The following KSR1 variants were observed in gnomAD, a reference collection of about 807,000 sequenced individuals.
The protein encoded by KSR1 is kinase suppressor of ras 1.
KSR1 carries 35 observed loss-of-function variants against 92.9 expected under a neutral mutation model. The observed-to-expected ratio is 0.38, with a 90% CI of 0.29 to 0.50. The LOEUF is 0.50. KSR1 is among the 20% of genes least tolerant of loss of function. The pLI, the probability that KSR1 is intolerant of heterozygous loss-of-function variation, is 0.94. For missense variants in KSR1, 972 were observed against 1,158.5 expected (o/e 0.84, Z 2.34); for synonymous variants, 467 against 472.6 (o/e 0.99, Z 0.15).
rs775715540 is a variant in KSR1 at position 27,592,569 on chromosome 17, G to A, written c.1242G>A (p.Pro414=). 26 of 1,613,796 alleles carry A rather than the reference G, an allele frequency of 1.6e-5. No homozygotes were observed. The highest frequency in any genetic ancestry group is 5.0e-5 in the Admixed American group (3 of 59,984). Residue 414 remains proline, a synonymous_variant, in exon 9 of 21, where the codon CCG becomes CCA. Transcript: ENST00000644974. ...CTGTCCCCTCGGACATCAACAACCC[G>A]GTGGACAGAGCAGCCGAACCCCATT... is the stretch of plus-strand genomic sequence containing the variant. ...TESVPSDINN[P]VDRAAEPHFG...
At chr17:27,601,249 G>T in intron 10 of KSR1, 111 bp from the exon 11 acceptor site, 1 of 925,026 alleles carries the variant, frequency 1.1e-6, no homozygotes, top group Non-Finnish European at 1.7e-6. Flanking sequence ...GGGTAGGGCT[G>T]TCCCAGCCCA....
chr17:27,620,994 T>C (rs2074208470), intron 19 of KSR1, 199 bp from the exon 20 acceptor site: 2 of 388,954 alleles, frequency 5.1e-6, no homozygotes, highest in Non-Finnish European at 9.1e-6. Context: ...GCTTGCCCCC[T>C]AATTCTCACT....
intron 2 of KSR1, among the ~76,000 whole-genome samples, chr17:27,571,748 T>TCAACC (rs968627655): frequency 2.6e-5 from 4 of 152,346 alleles, no homozygotes; most frequent in African/African-American, 9.6e-5. Context: ...TGATCTTCCT[T>TCAACC]CAACCCAGCT....
intron 1 of KSR1, among the ~76,000 whole-genome samples, chr17:27,484,511 C>T (rs1240106243): frequency 6.6e-6 from 1 of 152,220 alleles, no homozygotes; most frequent in African/African-American, 2.4e-5. Context: ...CGTGAGCCAC[C>T]ATACCTGACC....
rs2074316189 is a variant in KSR1, at chr17:27,625,266, G to C, written c.*1874G>C. 6.6e-6 allele frequency: 1 copy of C among 152,328 alleles called. No homozygotes were observed. The highest frequency in any genetic ancestry group is 1.5e-5 in the Non-Finnish European group (1 of 68,094). 9.4% of individuals were successfully genotyped at this position (152,328 alleles called of 1,614,324 possible). A position where few individuals can be genotyped will look rare whatever the true frequency, so the allele number is the denominator to read the frequency against. ...TGTCAGCTCAGCCGTCCAACTGGGA[G>C]GAACAGTAGGCTCAGTTCCTCCCTG... On this transcript the variant is annotated 3_prime_UTR_variant, in exon 21 of 21. Transcript: ENST00000644974.
At chr17:27,563,012 T>C (rs2071895859) in intron 2 of KSR1, among the ~76,000 whole-genome samples, 2 of 151,434 alleles carry the variant, frequency 1.3e-5, no homozygotes, top group African/African-American at 4.8e-5. Context: ...GCTTCCTCAA[T>C]GCCCACGTGG....
chr17:27,571,943 T>C (rs1266999222), intron 2 of KSR1, among the ~76,000 whole-genome samples: 1 of 152,186 alleles, frequency 6.6e-6, no homozygotes, highest in Non-Finnish European at 1.5e-5. Context: ...AGTAAATCCC[T>C]GGATACCATT....
intron 14 of KSR1, 123 bp downstream of exon 14, chr17:27,605,936 C>A (rs1383192621): frequency 1.6e-5 from 20 of 1,224,730 alleles, no homozygotes; most frequent in Admixed American, 1.1e-4. Context: ...AGAAGAAAAC[C>A]AAAAATGGGG....
At chr17:27,489,115 C>T (rs931318895) in intron 1 of KSR1, among the ~76,000 whole-genome samples, 1 of 152,206 alleles carries the variant, frequency 6.6e-6, no homozygotes, top group African/African-American at 2.4e-5. Context: ...CTCCCTGTAC[C>T]TGGGTGGTGC....
intron 1 of KSR1, among the ~76,000 whole-genome samples, chr17:27,458,653 C>T (rs1177343037): frequency 6.6e-6 from 1 of 152,194 alleles, no homozygotes; most frequent in African/African-American, 2.4e-5. Flanking sequence ...AGACGATCAT[C>T]CCTGGCAGCA....
chr17:27,514,330 G>C lies in KSR1; in HGVS notation c.232-36238G>C, dbSNP rs183759704. The stretch of plus-strand genomic sequence containing the variant: ...CGGGGAATTATAACCTGATATTAAG[G>C]TGCCAGTTAGGGTTTGCTTGGCTAT... On this transcript the variant is annotated intron_variant, in intron 1 of 20. Transcript: ENST00000644974. 7.9e-5 allele frequency among the ~76,000 whole-genome samples: 12 copies of C among 152,300 alleles called. No individual in the cohort carries two copies. In the East Asian group the frequency reaches 2.3e-3, roughly 29 times the overall value.
At chr17:27,479,720 G>A (rs568394649) in intron 1 of KSR1, among the ~76,000 whole-genome samples, 65 of 152,328 alleles carry the variant, frequency 4.3e-4, no homozygotes, top group Non-Finnish European at 7.8e-4. Context: ...GAAGGAGGAA[G>A]GGCTTCAATG....
chr17:27,522,722 C>T (rs955328626), intron 1 of KSR1, among the ~76,000 whole-genome samples: 3 of 152,170 alleles, frequency 2.0e-5, no homozygotes, highest in Non-Finnish European at 4.4e-5. Flanking sequence ...CACCAACCCC[C>T]CAGCAAGTTT....
intron 1 of KSR1, among the ~76,000 whole-genome samples, chr17:27,491,344 TG>T (rs2068823114): frequency 6.0e-5 from 2 of 33,130 alleles, no homozygotes; most frequent in African/African-American, 1.5e-4. Flanking sequence ...TGTGTGTGTG[TG>T]TGTGTGTTGG....
chr17:27,487,901 C>T (rs565662012), intron 1 of KSR1, among the ~76,000 whole-genome samples: 7 of 152,268 alleles, frequency 4.6e-5, no homozygotes, highest in East Asian at 1.9e-4. Context: ...TCACCCATGA[C>T]GGTGGGGACA....
intron 1 of KSR1, among the ~76,000 whole-genome samples, chr17:27,479,035 C>T (rs933136287): frequency 6.6e-6 from 1 of 150,644 alleles, no homozygotes; most frequent in African/African-American, 2.5e-5. Context: ...CCTCCGTGCT[C>T]CTCCCTCCAT....
At chr17:27,502,475 TCTTTTC>T (rs1489212112) in intron 1 of KSR1, among the ~76,000 whole-genome samples, 1 of 152,200 alleles carries the variant, frequency 6.6e-6, no homozygotes, top group Non-Finnish European at 1.5e-5. Context: ...CCCTGTACAA[TCTTTTC>T]CTTTTGCTAA....
intron 10 of KSR1, among the ~76,000 whole-genome samples, chr17:27,598,698 C>T (rs2073435228): frequency 6.6e-6 from 1 of 152,218 alleles, no homozygotes. Flanking sequence ...GTGTTTGGAA[C>T]ACGGCAGTCA....
chr17:27,518,093 C>A (rs186393854), intron 1 of KSR1, among the ~76,000 whole-genome samples: 21 of 152,290 alleles, frequency 1.4e-4, no homozygotes, highest in African/African-American at 4.8e-4. Context: ...ACTTAAAAAA[C>A]CAATTCATGC....
Sources: gnomAD v4.1 joint callset for allele counts (sites outside exome capture counted in the v4.1 genomes callset) on GRCh38, gnomAD v4.1.1 for gene constraint, MANE v1.5 for transcripts, NCBI Gene and HGNC (gene_info 2026-07-23, HGNC 2026-07-21) for gene names.